RIF1: variants seen among roughly 807,000 people sequenced by gnomAD.
The protein encoded by RIF1 is replication timing regulatory factor 1.
Under a neutral mutation model 247.1 loss-of-function variants are expected in RIF1, and 45 were observed. The ratio of observed to expected loss-of-function variants is 0.18; its 90% confidence interval spans 0.14 to 0.23. The LOEUF (loss-of-function observed/expected upper bound fraction) is 0.23. Ranked by LOEUF, RIF1 falls within the 10% of genes least tolerant of loss-of-function variation. The pLI is 1.00. For missense variants in RIF1, 2,967 were observed against 2,862.5 expected (o/e 1.04, Z -0.83); for synonymous variants, 1,087 against 978.8 (o/e 1.11, Z -2.06).
intron 12 of RIF1, among the ~76,000 whole-genome samples, chr2:151,503,961 C>T (rs552168614): frequency 6.3e-4 from 96 of 152,242 alleles, no homozygotes; most frequent in African/African-American, 2.2e-3. Flanking sequence ...GTTTATTTTT[C>T]AGGAAGAGCA....
rs148061294 is a variant in RIF1, at chr2:151,453,002, G to A, written c.2344+1297G>A. ...AGAGGAAACAATGTTAAGACTAACC[G>A]AAAGGAAATTGTTATTATCAGGATC... On this transcript the variant is annotated intron_variant, in intron 21 of 35. Coordinates refer to ENST00000444746, the MANE Select transcript of RIF1 (RefSeq NM_018151.5). Among the ~76,000 whole-genome samples, 246 of 152,248 alleles carry A rather than the reference G, an allele frequency of 1.6e-3. 2 individuals are homozygous for A. The South Asian group carries it at 0.029, about 18-fold the overall frequency.
chr2:151,522,894 C>T, the RIF1 span, among the ~76,000 whole-genome samples: 33 of 152,244 alleles, frequency 2.2e-4, no homozygotes, highest in East Asian at 5.4e-3. Context: ...ACAGCTGAAG[C>T]GCCCTTGGGC....
At position 151,502,900 on chromosome 2, in the gene RIF1, AAAGT is replaced by A. The variant is rs2065826587; in HGVS notation, c.*710-132_*710-129del. The A allele has an allele frequency of 4.1e-6, 6 of 1,479,140 alleles. No individual in the cohort carries two copies. The Admixed American group carries it at 1.0e-4, about 26-fold the overall frequency. The allele number at this position is 1,479,140 out of a possible 1,614,324, so 91.6% of individuals were successfully genotyped here. A position where few individuals can be genotyped will look rare whatever the true frequency, so the allele number is the denominator to read the frequency against. On this transcript the variant is annotated intron_variant and NMD_transcript_variant, in intron 11 of 13. Transcript: ENST00000454583. ...TTGTACAAAACCTGTGAGATACAAG[AAAGT>A]ACCCAGAGGACATTTAAAACAGGCA...
Position 151,469,877 on chromosome 2 carries a change from A to T in RIF1, c.7095+13A>T. On this transcript the variant is annotated intron_variant, in intron 34 of 35. Coordinates refer to ENST00000444746, the MANE Select transcript of RIF1 (RefSeq NM_018151.5). ...TCATGAGCAGCAGGTAAAAACTTAG[A>T]TATTAGCTATGATGTATATTAATAA... 6.3e-7 allele frequency: 1 copy of T among 1,575,816 alleles called. No homozygotes were observed. Among genetic ancestry groups the T allele is most frequent in the Non-Finnish European group, 8.6e-7 (1 of 1,157,648 alleles).
At chr2:151,530,992 A>G in the RIF1 span, 1 of 1,600,976 alleles carries the variant, frequency 6.2e-7, no homozygotes, top group Admixed American at 1.7e-5. Context: ...TCTAGTACTT[A>G]CATCACTGAC....
intron 8 of RIF1, among the ~76,000 whole-genome samples, chr2:151,424,323 C>T (rs1457514416): frequency 6.6e-6 from 1 of 152,142 alleles, no homozygotes; most frequent in Non-Finnish European, 1.5e-5. Flanking sequence ...AGGATGGTCT[C>T]GATCTCCTGA....
chr2:151,414,674 GTTTATT>G (rs144193655), intron 3 of RIF1, 143 bp from the exon 4 acceptor site: 176,886 of 586,184 alleles, frequency 0.3, 29,321 homozygotes, highest in Non-Finnish European at 0.35. Flanking sequence ...TTTATTCCTT[GTTTATT>G]TTTATTTTTA....
At position 151,438,678 on chromosome 2, in the gene RIF1, T is replaced by C; in HGVS notation, c.1484-6T>C. 1.2e-6 allele frequency: 2 copies of C among 1,606,438 alleles called. No homozygotes were observed. Among genetic ancestry groups the C allele is most frequent in the South Asian group, 1.1e-5 (1 of 90,942 alleles). On this transcript the variant is annotated splice_region_variant and splice_polypyrimidine_tract_variant and intron_variant, in intron 13 of 35. Transcript: ENST00000444746. ...TTAAAATACTCAAGTTTATTTTGTTTGACAGATGTGGTTGTCAGTGCTATC... is the reference window on the plus strand; with the variant it reads ...TTAAAATACTCAAGTTTATTTTGTTCGACAGATGTGGTTGTCAGTGCTATC...
At chr2:151,531,081 G>A in the RIF1 span, 1 of 1,610,988 alleles carries the variant, frequency 6.2e-7, no homozygotes, top group South Asian at 1.1e-5. Context: ...TGGCCTTGTT[G>A]TATTCCAATT....
chr2:151,457,474 A>G (rs760588386), intron 23 of RIF1, among the ~76,000 whole-genome samples: 25 of 152,332 alleles, frequency 1.6e-4, no homozygotes, highest in South Asian at 6.2e-4. Flanking sequence ...GATTGGACCC[A>G]AAGTTTTCTA....
chr2:151,511,581 C>T (rs756758730), downstream of RIF1, among the ~76,000 whole-genome samples: 1 of 152,212 alleles, frequency 6.6e-6, no homozygotes, highest in African/African-American at 2.4e-5. Flanking sequence ...ACAGCTAGGG[C>T]ACGTTAACTA....
chr2:151,500,463 A>G (rs1392518322), intron 11 of RIF1, among the ~76,000 whole-genome samples: 4 of 152,060 alleles, frequency 2.6e-5, no homozygotes, highest in Admixed American at 2.6e-4. Context: ...CAGCAACAAT[A>G]TTAATAAAAG....
At chr2:151,498,924 T>TAACA (rs1553559573) in intron 10 of RIF1, among the ~76,000 whole-genome samples, 3 of 151,512 alleles carry the variant, frequency 2.0e-5, no homozygotes, top group African/African-American at 4.8e-5. Flanking sequence ...TCTGTACAAA[T>TAACA]AACAGTAGAG....
At chr2:151,451,743 T>A in intron 21 of RIF1, 38 bp downstream of exon 21, 1 of 1,096,348 alleles carries the variant, frequency 9.1e-7, no homozygotes, top group Non-Finnish European at 1.4e-6. Context: ...TGTCCAGTAT[T>A]TCATAAGCAG....
chr2:151,427,830 C>T (rs1157343277), intron 8 of RIF1, among the ~76,000 whole-genome samples: 5 of 151,372 alleles, frequency 3.3e-5, no homozygotes, highest in African/African-American at 7.3e-5. Flanking sequence ...TTTGGGAGGC[C>T]GAGGTGGACT....
chr2:151,473,893 C>T (rs2048770672), intron 34 of RIF1, 71 bp from the exon 35 acceptor site: 5 of 797,904 alleles, frequency 6.3e-6, no homozygotes, highest in African/African-American at 5.1e-5. Context: ...ACTATTACTC[C>T]TATTAAAAGT....
At chr2:151,438,818 G>A (rs907196847) in intron 14 of RIF1, 72 bp downstream of exon 14, 15 of 889,892 alleles carry the variant, frequency 1.7e-5, no homozygotes, top group East Asian at 4.9e-5. Flanking sequence ...TATAGCATCC[G>A]GTGAATTGTT....
At chr2:151,468,416 G>T in intron 31 of RIF1, 58 bp from the exon 32 acceptor site, 2 of 1,352,794 alleles carry the variant, frequency 1.5e-6, no homozygotes, top group Non-Finnish European at 2.1e-6. Context: ...TGTAAAAATT[G>T]TGAAATTATA....
chr2:151,463,169 C>T lies in RIF1; in HGVS notation c.3649C>T (p.Arg1217Trp), dbSNP rs765168426. 1.4e-5 allele frequency: 22 copies of T among 1,614,008 alleles called. No individual in the cohort carries two copies. Among genetic ancestry groups the T allele is most frequent in the African/African-American group, 6.7e-5 (5 of 74,924 alleles). ...VAGTPPYPTSRRQTFITLEKF... is the reference protein window; with the variant it reads ...VAGTPPYPTSWRQTFITLEKF... ...TGGAACTCCCCCATACCCTACAAGT[C>T]GGAGGCAAACCTTTATTACTTTGGA... Residue 1217 changes from arginine to tryptophan, a missense_variant, in exon 30 of 36, where the codon CGG (arginine) becomes TGG (tryptophan). By Grantham distance (101) the Arg-to-Trp change is moderately radical (BLOSUM62 -3). This residue lies in a region of RIF1 where 2,028 missense variants were observed against 1,825.6 expected (regional missense o/e 1.11). Transcript: ENST00000444746.
Sources: gnomAD v4.1 joint callset for allele counts (sites outside exome capture counted in the v4.1 genomes callset) on GRCh38, gnomAD v4.1.1 for gene constraint, gnomAD v4.1.1 regional missense constraint, MANE v1.5 for transcripts, NCBI Gene and HGNC (gene_info 2026-07-23, HGNC 2026-07-21) for gene names.